Variants in IFT81 observed in about 807,000 individuals in gnomAD.
IFT81 encodes intraflagellar transport 81.
IFT81 carries 72 observed loss-of-function variants against 102.6 expected under a neutral mutation model. The observed-to-expected ratio is 0.70, with a 90% CI of 0.58 to 0.85. The LOEUF (loss-of-function observed/expected upper bound fraction) is 0.85, where lower values mean the gene tolerates loss of function less well. IFT81 is among the 40% of genes least tolerant of loss of function. The pLI is 0.00. For synonymous variants in IFT81, 237 were observed against 242.7 expected (o/e 0.98, Z 0.22); for missense variants, 723 against 787.3 (o/e 0.92, Z 0.98).
chr12:110,154,398 A>G (rs1895722762), intron 10 of IFT81, among the ~76,000 whole-genome samples: 1 of 151,000 alleles, frequency 6.6e-6, no homozygotes, highest in Non-Finnish European at 1.5e-5. Context: ...TGGGAGGCTG[A>G]GGCAGGCAGA....
chr12:110,191,094 G>A (rs749558444), intron 13 of IFT81, 46 bp downstream of exon 13: 2 of 1,535,778 alleles, frequency 1.3e-6, no homozygotes, highest in East Asian at 2.3e-5. Flanking sequence ...GTAGCTAGAA[G>A]GCAGGTGTTT....
At chr12:110,166,677 A>G (rs1031803768) in intron 11 of IFT81, among the ~76,000 whole-genome samples, 3 of 151,348 alleles carry the variant, frequency 2.0e-5, no homozygotes, top group Non-Finnish European at 3.0e-5. Context: ...TTGCCATCCT[A>G]ATGGCAATAT....
chr12:110,140,884 C>T (rs1049532917), intron 8 of IFT81, among the ~76,000 whole-genome samples: 13 of 151,260 alleles, frequency 8.6e-5, no homozygotes, highest in South Asian at 2.1e-4. Flanking sequence ...CCACCACGCC[C>T]GGCTAATTTT....
At chr12:110,195,600 G>A (rs769127333) in intron 14 of IFT81, among the ~76,000 whole-genome samples, 2 of 151,984 alleles carry the variant, frequency 1.3e-5, no homozygotes, top group Non-Finnish European at 2.9e-5. Flanking sequence ...TCTTGTCACT[G>A]CATATAACAT....
Position 110,205,633 on chromosome 12 carries a change from G to A in IFT81, c.1755G>A (p.Met585Ile), listed in dbSNP as rs373985387. Residue 585 changes from methionine to isoleucine, a missense_variant, in exon 17 of 19, where the codon ATG (methionine) becomes ATA (isoleucine). Physicochemically the swap from Met to Ile is conservative, Grantham distance 10. Coordinates refer to ENST00000242591, the MANE Select transcript of IFT81 (RefSeq NM_014055.4). ...EVQLRRATDE[M>I]KAYISSDQQE... ...AACTTCGTCGTGCTACTGATGAGATGAAGGCATATATCTCTTCTGATCAAC... is the reference window on the plus strand; with the variant it reads ...AACTTCGTCGTGCTACTGATGAGATAAAGGCATATATCTCTTCTGATCAAC... 6.2e-7 allele frequency: 1 copy of A among 1,604,570 alleles called. No homozygotes were observed. Among genetic ancestry groups the A allele is most frequent in the African/African-American group, 1.3e-5 (1 of 74,524 alleles).
chr12:110,135,281 T>A, intron 6 of IFT81, 46 bp from the exon 7 acceptor site: 1 of 1,244,190 alleles, frequency 8.0e-7, no homozygotes, highest in Non-Finnish European at 1.1e-6. Flanking sequence ...CTAATTTTTT[T>A]CTTCAAACCT....
chr12:110,125,644 C>G (rs1051130254), intron 1 of IFT81, among the ~76,000 whole-genome samples: 5 of 152,204 alleles, frequency 3.3e-5, no homozygotes, highest in Admixed American at 2.0e-4. Flanking sequence ...ATCTGCCTGC[C>G]TCGGCCTCCC....
Position 110,128,032 on chromosome 12 carries a change from A to C in IFT81, c.145-14A>C, listed in dbSNP as rs1263641756. 2.5e-6 allele frequency: 4 copies of C among 1,570,178 alleles called. No homozygotes were observed. The highest frequency in any genetic ancestry group is 3.5e-6 in the Non-Finnish European group (4 of 1,142,288). On this transcript the variant is annotated splice_polypyrimidine_tract_variant and intron_variant, in intron 2 of 18. Coordinates refer to ENST00000242591, the MANE Select transcript of IFT81 (RefSeq NM_014055.4). ...TATACAACAATAACATGTTTTTTTC[A>C]ATTTCTTTGTTAGCAACTTGTGGAT...
chr12:110,132,534 C>T lies in IFT81; in HGVS notation c.430-13C>T, dbSNP rs755459646. ...TAGTTATTAGTTTATAATTTCTTAA[C>T]TTATTCTTCTAGTATGAAGAGTTAA... is the stretch of plus-strand genomic sequence containing the variant. On this transcript the variant is annotated splice_polypyrimidine_tract_variant and intron_variant, in intron 4 of 18. Coordinates refer to ENST00000242591, the MANE Select transcript of IFT81 (RefSeq NM_014055.4). 1.7e-6 allele frequency: 2 copies of T among 1,145,920 alleles called. No homozygotes were observed. The highest frequency in any genetic ancestry group is 2.6e-5 in the East Asian group (1 of 39,104). 71.0% of individuals were successfully genotyped at this position (1,145,920 alleles called of 1,614,324 possible). A position where few individuals can be genotyped will look rare whatever the true frequency, so the allele number is the denominator to read the frequency against.
At chr12:110,209,081 A>G (rs1869065925) in intron 17 of IFT81, 90 bp from the exon 18 acceptor site, 1 of 699,326 alleles carries the variant, frequency 1.4e-6, no homozygotes. Context: ...TGCCTAGTGT[A>G]TTTTAGATAG....
At chr12:110,212,018 C>T (rs974813743) in intron 18 of IFT81, among the ~76,000 whole-genome samples, 8 of 152,088 alleles carry the variant, frequency 5.3e-5, no homozygotes, top group African/African-American at 1.9e-4. Flanking sequence ...TGTATTTGTA[C>T]AGTTTAGCTA....
chr12:110,163,211 G>A, intron 11 of IFT81, 146 bp downstream of exon 11: 2 of 604,596 alleles, frequency 3.3e-6, no homozygotes, highest in South Asian at 3.2e-5. Flanking sequence ...GAGTCTTTTT[G>A]CAATAATACT....
At chr12:110,174,684 AT>A (rs1353695600) in intron 11 of IFT81, among the ~76,000 whole-genome samples, 1 of 152,212 alleles carries the variant, frequency 6.6e-6, no homozygotes, top group African/African-American at 2.4e-5. Context: ...AGCGAAAAGC[AT>A]TTATAAATGG....
intron 11 of IFT81, among the ~76,000 whole-genome samples, chr12:110,179,773 T>TATACAC (rs774113734): frequency 8.9e-4 from 45 of 50,352 alleles, no homozygotes; most frequent in Non-Finnish European, 1.4e-3. Context: ...TATATATATA[T>TATACAC]ACACACACAC....
intron 14 of IFT81, among the ~76,000 whole-genome samples, chr12:110,198,509 ATTC>A (rs1898117109): frequency 6.6e-6 from 1 of 152,104 alleles, no homozygotes; most frequent in Non-Finnish European, 1.5e-5. Flanking sequence ...TCTTCCATGA[ATTC>A]TGGAAAAAGT....
chr12:110,161,349 T>C (rs1475582140), intron 10 of IFT81, among the ~76,000 whole-genome samples: 1 of 152,028 alleles, frequency 6.6e-6, no homozygotes, highest in Non-Finnish European at 1.5e-5. Context: ...GGTTTTACCA[T>C]GTTGACCAGG....
At chr12:110,135,150 ATC>A in intron 6 of IFT81, 137 bp downstream of exon 6, 1 of 760,502 alleles carries the variant, frequency 1.3e-6, no homozygotes, top group Non-Finnish European at 2.2e-6. Context: ...CGAAAAGGGA[ATC>A]TCTCTAGACA....
rs558706091 is a variant in IFT81, at chr12:110,153,882, G to T, written c.1041+6834G>T. On this transcript the variant is annotated intron_variant, in intron 10 of 18. Coordinates refer to ENST00000242591, the MANE Select transcript of IFT81 (RefSeq NM_014055.4). Reference sequence around the variant, plus strand: ...ATCCACCTGCCTCGGCTGCCAAAGTGCTGGGATTACAGGCATGAGCCACCG... The same window carrying T: ...ATCCACCTGCCTCGGCTGCCAAAGTTCTGGGATTACAGGCATGAGCCACCG... Among the ~76,000 whole-genome samples, 323 of 150,312 alleles carry T rather than the reference G, an allele frequency of 2.1e-3. 1 individual carries two copies. Among genetic ancestry groups the T allele is most frequent in the Non-Finnish European group, 4.0e-3 (270 of 67,650 alleles).
intron 17 of IFT81, among the ~76,000 whole-genome samples, chr12:110,208,042 C>T (rs924176373): frequency 6.6e-6 from 1 of 152,028 alleles, no homozygotes; most frequent in African/African-American, 2.4e-5. Context: ...TCCATTATTG[C>T]CATGTCTCAG....
Sources: gnomAD v4.1 joint callset for allele counts (sites outside exome capture counted in the v4.1 genomes callset) on GRCh38, gnomAD v4.1.1 for gene constraint, MANE v1.5 for transcripts, NCBI Gene and HGNC (gene_info 2026-07-23, HGNC 2026-07-21) for gene names.